The following SLC12A2 variants were observed in gnomAD, a reference collection of about 807,000 sequenced individuals.
SLC12A2 encodes the protein solute carrier family 12 member 2, also known as Na-K-2Cl cotransporter 1.
A neutral mutation model predicts 136.3 loss-of-function variants in SLC12A2; 67 were observed. That is an observed-to-expected ratio of 0.49 (90% confidence interval 0.40 to 0.60). The LOEUF (loss-of-function observed/expected upper bound fraction) is 0.60, where lower values mean the gene tolerates loss of function less well. Ranked by LOEUF, SLC12A2 falls within the 20% of genes least tolerant of loss-of-function variation. The probability of loss-of-function intolerance (pLI) is 0.00; values close to 1 mark genes in which losing one functional copy is unlikely to be tolerated. For synonymous variants in SLC12A2, 619 were observed against 562.9 expected, an observed-to-expected ratio of 1.10 and a Z score of -1.41; for missense variants, 1,322 against 1,534.7, an observed-to-expected ratio of 0.86 and a Z score of 2.32.
chr5:128,150,967 A>G (rs546900737), intron 13 of SLC12A2, among the ~76,000 whole-genome samples: 2 of 149,428 alleles, frequency 1.3e-5, no homozygotes, highest in South Asian at 2.1e-4. Context: ...AGGTAGGTTG[A>G]TTTTTTTTTT....
At chr5:128,184,080 C>T (rs10036170) in intron 24 of SLC12A2, among the ~76,000 whole-genome samples, 5,930 of 151,952 alleles carry the variant, frequency 0.039, 417 homozygotes, top group African/African-American at 0.14. Flanking sequence ...CATTAGACAT[C>T]GTATTGGTGC....
chr5:128,146,625 C>A (rs149471777), intron 10 of SLC12A2, among the ~76,000 whole-genome samples: 126 of 151,302 alleles, frequency 8.3e-4, no homozygotes, highest in African/African-American at 2.9e-3. Flanking sequence ...TCTACATTAC[C>A]CAGCTTTATC....
chr5:128,151,132 G>C (rs1049595531), intron 13 of SLC12A2, 109 bp from the exon 14 acceptor site: 16 of 877,408 alleles, frequency 1.8e-5, no homozygotes, highest in Non-Finnish European at 2.8e-5. Context: ...AATGCTTAAA[G>C]TCCTCTCAGT....
chr5:128,108,204 A>T (rs750079662), intron 1 of SLC12A2, among the ~76,000 whole-genome samples: 2 of 152,092 alleles, frequency 1.3e-5, no homozygotes, highest in Non-Finnish European at 2.9e-5. Context: ...CTGAAATGGG[A>T]AGTGACAGTT....
Position 128,123,295 on chromosome 5 carries a change from T to A in SLC12A2, c.1049-7772T>A, listed in dbSNP as rs546582939. On this transcript the variant is annotated intron_variant, in intron 4 of 26. Coordinates refer to ENST00000262461, the MANE Select transcript of SLC12A2 (RefSeq NM_001046.3). ...ATTTGATAAAATAATGGCAATAAAA[T>A]AGAGAAAATTTGCCAAACATTAAGA... 2.0e-5 allele frequency among the ~76,000 whole-genome samples: 3 copies of A among 152,266 alleles called. No homozygotes were observed. The East Asian group carries it at 5.8e-4, about 29-fold the overall frequency.
intron 4 of SLC12A2, among the ~76,000 whole-genome samples, chr5:128,125,661 G>A (rs529258769): frequency 2.2e-4 from 34 of 151,984 alleles, no homozygotes; most frequent in African/African-American, 7.2e-4. Context: ...TTACCATTTT[G>A]ATGAAGTCCG....
At chr5:128,151,029 G>A (rs1013458207) in intron 13 of SLC12A2, among the ~76,000 whole-genome samples, 7 of 151,808 alleles carry the variant, frequency 4.6e-5, no homozygotes. Flanking sequence ...TGTGGAAATA[G>A]ATGTTACCTT....
rs70997365 is a variant in SLC12A2 at position 128,179,948 on chromosome 5, CTTTTTTTTTTTTTTTTTTTTTTT to C, written c.3101-918_3101-896del. On this transcript the variant is annotated intron_variant, in intron 22 of 26. Transcript: ENST00000262461. ...TCCATTTATCATGTCCCAATCGTTC[CTTTTTTTTTTTTTTTTTTTTTTT>C]TTTTTTTTTTTTTTTTGCGACTGAG... Among the ~76,000 whole-genome samples the C allele has an allele frequency of 1.6e-4, 8 of 50,482 alleles. No individual in the cohort carries two copies. In the South Asian group the frequency reaches 2.1e-3, roughly 13 times the overall value. 33.1% of individuals were successfully genotyped at this position (50,482 alleles called of 152,430 possible). A position where few individuals can be genotyped will look rare whatever the true frequency, so the allele number is the denominator to read the frequency against.
At chr5:128,122,235 A>G (rs545959612) in intron 4 of SLC12A2, among the ~76,000 whole-genome samples, 1 of 152,312 alleles carries the variant, frequency 6.6e-6, no homozygotes, top group South Asian at 2.1e-4. Context: ...AAAATCTAAA[A>G]TCAACATAAA....
chr5:128,105,467 G>GA (rs1249425181), intron 1 of SLC12A2, among the ~76,000 whole-genome samples: 3 of 152,142 alleles, frequency 2.0e-5, no homozygotes, highest in Admixed American at 1.3e-4. Flanking sequence ...AGTGAGACAG[G>GA]AACTGAAAAA....
chr5:128,150,611 G>A (rs79998108), intron 13 of SLC12A2, among the ~76,000 whole-genome samples: 4,812 of 151,790 alleles, frequency 0.032, 101 homozygotes, highest in Non-Finnish European at 0.044. Flanking sequence ...TACTTTAAAT[G>A]TATAAATTCT....
chr5:128,085,315 C>A (rs143985587), intron 1 of SLC12A2, among the ~76,000 whole-genome samples: 290 of 148,924 alleles, frequency 1.9e-3, no homozygotes, highest in Non-Finnish European at 2.3e-3. Flanking sequence ...TTTTTTTTTG[C>A]GATGAAAACG....
At chr5:128,110,188 A>G in intron 1 of SLC12A2, 1 of 815,878 alleles carries the variant, frequency 1.2e-6, no homozygotes. Flanking sequence ...TTCTTTGTTA[A>G]TTTGGCAGAC....
At chr5:128,140,668 A>G (rs563980514) in intron 9 of SLC12A2, among the ~76,000 whole-genome samples, 1 of 150,094 alleles carries the variant, frequency 6.7e-6, no homozygotes, top group South Asian at 2.1e-4. Context: ...CCTCTACACC[A>G]GTGGTTGTTA....
Position 128,083,791 on chromosome 5 carries a change from G to A in SLC12A2, c.-164G>A, listed in dbSNP as rs1421717708. ...ACACTCGCGCGCTCGCTCGGCTGCC[G>A]GTGGCCTCTGTGGCCGTCCAGGCTA... On this transcript the variant is annotated 5_prime_UTR_variant, in exon 1 of 27. Coordinates refer to ENST00000262461, the MANE Select transcript of SLC12A2 (RefSeq NM_001046.3). The A allele has an allele frequency of 5.3e-5, 24 of 452,462 alleles. No individual in the cohort carries two copies. In the Admixed American group the frequency reaches 8.3e-4, roughly 16 times the overall value. The allele number at this position is 452,462 out of a possible 1,614,324, so 28.0% of individuals were successfully genotyped here.
At chr5:128,142,925 A>G (rs967787667) in intron 10 of SLC12A2, among the ~76,000 whole-genome samples, 3 of 152,010 alleles carry the variant, frequency 2.0e-5, no homozygotes, top group Admixed American at 2.0e-4. Context: ...GGTTACATGG[A>G]TGAATTGTGT....
rs749478030 is a variant in SLC12A2 at position 128,114,608 on chromosome 5, G to C, written c.975G>C (p.Met325Ile). The C allele has an allele frequency of 1.9e-6, 3 of 1,611,088 alleles. No individual in the cohort carries two copies. The highest frequency in any genetic ancestry group is 2.2e-5 in the South Asian group (2 of 90,970). The change falls in exon 4 of 27, where the codon ATG (methionine) becomes ATC (isoleucine). Residue 325 changes from methionine to isoleucine, a missense_variant. This residue lies in a region of SLC12A2 where 71 missense variants were observed against 131.0 expected (regional missense o/e 0.54). Transcript: ENST00000262461. Reference protein sequence around the residue: ...AGIGLSVLVIMMATVVTTITG... With the variant: ...AGIGLSVLVIIMATVVTTITG... ...AAGGTCTATCAGTCCTTGTAATAAT[G>C]ATGGCCACTGTTGTGACAACTATCA...
At chr5:128,087,872 G>A (rs1377731859) in intron 1 of SLC12A2, among the ~76,000 whole-genome samples, 1 of 152,064 alleles carries the variant, frequency 6.6e-6, no homozygotes, top group Non-Finnish European at 1.5e-5. Context: ...ATAGATGTTG[G>A]TACTGTTGCT....
intron 17 of SLC12A2, 41 bp from the exon 18 acceptor site, chr5:128,167,720 A>C (rs751139029): frequency 2.9e-6 from 4 of 1,379,402 alleles, no homozygotes; most frequent in Non-Finnish European, 2.0e-6. Context: ...ATTTTGTTGA[A>C]AATAATATAT....
Sources: gnomAD v4.1 joint callset for allele counts (sites outside exome capture counted in the v4.1 genomes callset) on GRCh38, gnomAD v4.1.1 for gene constraint, gnomAD v4.1.1 regional missense constraint, MANE v1.5 for transcripts, NCBI Gene and HGNC (gene_info 2026-07-23, HGNC 2026-07-21) for gene names.